Variants in CDH4 observed in about 807,000 individuals in gnomAD.
The protein encoded by CDH4 is cadherin 4.
A neutral mutation model predicts 86.0 loss-of-function variants in CDH4; 33 were observed. That is an observed-to-expected ratio of 0.38 (90% CI 0.29 to 0.51). CDH4 has a LOEUF of 0.51. Among genes scored for constraint, CDH4 ranks in the 20% least tolerant of loss-of-function variants. The probability of loss-of-function intolerance (pLI) is 0.86; values close to 1 mark genes in which losing one functional copy is unlikely to be tolerated. For synonymous variants in CDH4, 555 were observed against 549.4 expected (o/e 1.01, Z -0.14); for missense variants, 1,114 against 1,307.4 (o/e 0.85, Z 2.28).
At chr20:61,520,340 C>T (rs1416870301) in intron 2 of CDH4, among the ~76,000 whole-genome samples, 1 of 152,232 alleles carries the variant, frequency 6.6e-6, no homozygotes, top group Non-Finnish European at 1.5e-5. Context: ...GGAACCCAGG[C>T]TCCAGAACCA....
chr20:61,261,981 C>T (rs759338083), intron 2 of CDH4, among the ~76,000 whole-genome samples: 73 of 152,290 alleles, frequency 4.8e-4, no homozygotes, highest in Non-Finnish European at 7.5e-4. Context: ...AGCTCTCTCT[C>T]GGATTTTAGA....
At chr20:61,405,991 T>C (rs575047707) in intron 2 of CDH4, among the ~76,000 whole-genome samples, 56 of 152,238 alleles carry the variant, frequency 3.7e-4, no homozygotes, top group Non-Finnish European at 7.8e-4. Context: ...ATAATTTCTA[T>C]AATTGATGAA....
At chr20:61,465,369 T>A (rs533461305) in intron 2 of CDH4, among the ~76,000 whole-genome samples, 8 of 152,282 alleles carry the variant, frequency 5.3e-5, no homozygotes. Flanking sequence ...TGGGATTTTT[T>A]TTTTTTAACT....
At chr20:61,258,906 G>C (rs1157497953) in intron 2 of CDH4, among the ~76,000 whole-genome samples, 1 of 152,216 alleles carries the variant, frequency 6.6e-6, no homozygotes, top group Non-Finnish European at 1.5e-5. Context: ...CCCTGCAGAA[G>C]TTTTCATTGA....
At chr20:61,519,079 A>G (rs561261626) in intron 2 of CDH4, among the ~76,000 whole-genome samples, 1 of 152,330 alleles carries the variant, frequency 6.6e-6, no homozygotes, top group Non-Finnish European at 1.5e-5. Flanking sequence ...GAGTATGACC[A>G]TCACCCCTCC....
At chr20:61,712,961 G>A (rs1051482376) in intron 2 of CDH4, among the ~76,000 whole-genome samples, 2 of 152,150 alleles carry the variant, frequency 1.3e-5, no homozygotes, top group Admixed American at 6.5e-5. Flanking sequence ...TAGAAACTTT[G>A]CCAGGACACT....
At chr20:61,636,619 G>C (rs976710952) in intron 2 of CDH4, among the ~76,000 whole-genome samples, 4 of 152,198 alleles carry the variant, frequency 2.6e-5, no homozygotes, top group African/African-American at 7.2e-5. Context: ...TCTCTTCCAC[G>C]GGGCTTTCAG....
At chr20:61,930,056 G>T (rs872710) in intron 13 of CDH4, among the ~76,000 whole-genome samples, 424 of 152,326 alleles carry the variant, frequency 2.8e-3, no homozygotes, top group Middle Eastern at 6.8e-3. Context: ...GGTGCAGGCC[G>T]GCCCAGGTGT....
At position 61,280,382 on chromosome 20, in the gene CDH4, C is replaced by T. The variant is rs150682275; in HGVS notation, c.169+25445C>T. Among the ~76,000 whole-genome samples, 50 of 152,310 alleles carry T rather than the reference C, an allele frequency of 3.3e-4. No individual in the cohort carries two copies. In the East Asian group the frequency reaches 9.3e-3, roughly 28 times the overall value. On this transcript the variant is annotated intron_variant, in intron 2 of 15. Transcript: ENST00000614565. ...GCAGCCAATCCCTCTCTGGCGCCTC[C>T]CAAGGCGGGGGCGTGTGACGCGTGT...
At chr20:61,821,289 G>C (rs1404518431) in intron 4 of CDH4, among the ~76,000 whole-genome samples, 1 of 106,108 alleles carries the variant, frequency 9.4e-6, no homozygotes, top group Non-Finnish European at 1.8e-5. Flanking sequence ...CCCTAGACCA[G>C]ATGCACTGCT....
At chr20:61,657,677 A>G (rs987990192) in intron 2 of CDH4, among the ~76,000 whole-genome samples, 2 of 152,232 alleles carry the variant, frequency 1.3e-5, no homozygotes, top group Non-Finnish European at 2.9e-5. Context: ...TTGTGCATTG[A>G]CATCTGTGCT....
chr20:61,598,350 G>A (rs1248816808), intron 2 of CDH4, among the ~76,000 whole-genome samples: 9 of 42,190 alleles, frequency 2.1e-4, no homozygotes, highest in Non-Finnish European at 3.9e-4. Context: ...CCACCCCCCC[G>A]GCCACTGTCA....
At chr20:61,331,772 C>G (rs2084581761) in intron 2 of CDH4, among the ~76,000 whole-genome samples, 1 of 69,164 alleles carries the variant, frequency 1.4e-5, no homozygotes, top group African/African-American at 5.5e-5. Flanking sequence ...GTGTTAGTTA[C>G]AGCACTCAGC....
chr20:61,312,747 G>C (rs1054457485), intron 2 of CDH4, among the ~76,000 whole-genome samples: 2 of 152,136 alleles, frequency 1.3e-5, no homozygotes, highest in African/African-American at 4.8e-5. Flanking sequence ...TATTAATTTT[G>C]TGCAGCGTAT....
rs866278120 is a variant in CDH4 at position 61,444,207 on chromosome 20, T to C, written c.169+189270T>C. ...ATCTCTCTATGTGGGTGTCTGTGTA[T>C]CTGTATATGGCTGTGTCTCTCTTTG... is the stretch of plus-strand genomic sequence containing the variant. On this transcript the variant is annotated intron_variant, in intron 2 of 15. Coordinates refer to ENST00000614565, the MANE Select transcript of CDH4 (RefSeq NM_001794.5). 3.0e-4 allele frequency among the ~76,000 whole-genome samples: 11 copies of C among 36,248 alleles called. No individual in the cohort carries two copies. The South Asian group carries it at 4.6e-3, about 15-fold the overall frequency. 23.8% of individuals were successfully genotyped at this position (36,248 alleles called of 152,430 possible). A position where few individuals can be genotyped will look rare whatever the true frequency, so the allele number is the denominator to read the frequency against.
At chr20:61,785,077 C>G (rs1053152387) in intron 4 of CDH4, among the ~76,000 whole-genome samples, 3 of 152,182 alleles carry the variant, frequency 2.0e-5, no homozygotes, top group African/African-American at 7.2e-5. Context: ...AAGGCGGGGT[C>G]AGGACACTCC....
At chr20:61,503,764 A>G (rs915142267) in intron 2 of CDH4, among the ~76,000 whole-genome samples, 8 of 152,252 alleles carry the variant, frequency 5.3e-5, no homozygotes, top group African/African-American at 1.9e-4. Context: ...TATAAATTAC[A>G]TAATTACTGT....
Position 61,444,536 on chromosome 20 carries a change from T to C in CDH4, c.169+189599T>C, listed in dbSNP as rs181774379. ...TTCTGCGTGTGTTTTTGTGTATCCG[T>C]ATGTATGTGTATCTTTGTGTGTCTT... On this transcript the variant is annotated intron_variant, in intron 2 of 15. Coordinates refer to ENST00000614565, the MANE Select transcript of CDH4 (RefSeq NM_001794.5). Among the ~76,000 whole-genome samples the C allele has an allele frequency of 1.7e-3, 254 of 152,280 alleles. 1 individual carries two copies. The highest frequency in any genetic ancestry group is 0.01 in the Middle Eastern group (3 of 294).
At chr20:61,724,471 C>G (rs537703123) in intron 2 of CDH4, among the ~76,000 whole-genome samples, 42 of 152,336 alleles carry the variant, frequency 2.8e-4, no homozygotes, top group Admixed American at 9.1e-4. Context: ...CCCTGCACTC[C>G]CGTGGAGCCC....
Sources: gnomAD v4.1 joint callset for allele counts (sites outside exome capture counted in the v4.1 genomes callset) on GRCh38, gnomAD v4.1.1 for gene constraint, MANE v1.5 for transcripts, NCBI Gene and HGNC (gene_info 2026-07-23, HGNC 2026-07-21) for gene names.